Variants in CDK12 observed in about 807,000 individuals in gnomAD.
CDK12 encodes cyclin-dependent kinase 12.
CDK12 carries 17 observed loss-of-function variants against 133.8 expected under a neutral mutation model. The observed-to-expected ratio is 0.13, with a 90% confidence interval of 0.09 to 0.19. The LOEUF (loss-of-function observed/expected upper bound fraction) is 0.19. Ranked by LOEUF, CDK12 falls within the 10% of genes least tolerant of loss-of-function variation. The pLI is 1.00. For synonymous variants in CDK12, 694 were observed against 683.6 expected, an observed-to-expected ratio of 1.02 and a Z score of -0.24; for missense variants, 1,508 against 1,818.7, an observed-to-expected ratio of 0.83 and a Z score of 3.11.
chr17:39,491,876 C>T (rs1366015586), intron 3 of CDK12, among the ~76,000 whole-genome samples: 2 of 150,520 alleles, frequency 1.3e-5, no homozygotes, highest in Non-Finnish European at 3.0e-5. Context: ...CGCTTGTAAT[C>T]CCAGCACTTT....
At position 39,534,159 on chromosome 17, in the gene CDK12, A is replaced by G. The variant is rs566045916; in HGVS notation, c.*2843A>G. On this transcript the variant is annotated 3_prime_UTR_variant, in exon 14 of 14. Coordinates refer to ENST00000447079, the MANE Select transcript of CDK12 (RefSeq NM_016507.4). ...TTCTTCAACTGTCCATAGGAACGAT[A>G]AGTATTTGAAAGCAACATCAAATCT... 1 of 232,892 alleles carries G rather than the reference A, an allele frequency of 4.3e-6. No individual in the cohort carries two copies. The highest frequency in any genetic ancestry group is 5.6e-5 in the Admixed American group (1 of 17,796). 14.4% of individuals were successfully genotyped at this position (232,892 alleles called of 1,614,324 possible).
At chr17:39,545,637 T>G (rs1483325318), upstream of CDK12, among the ~76,000 whole-genome samples, 1 of 151,744 alleles carries the variant, frequency 6.6e-6, no homozygotes. Context: ...CAGCTGGGAT[T>G]ACAGGTGCCC....
At position 39,471,195 on chromosome 17, in the gene CDK12, A is replaced by G; in HGVS notation, c.1363A>G (p.Lys455Glu). Residue 455 changes from lysine to glutamate, a missense_variant, in exon 2 of 14, where the codon AAA becomes GAA. Around this residue, in one of 9 missense-constraint regions of CDK12, gnomAD observed 347 missense variants for 330.8 expected, o/e 1.05. Transcript: ENST00000447079. The part of the protein sequence containing the change: ...KKLPRSVKLE[K>E]SAPDTELVNV... ...GTTACCCAGAAGTGTAAAATTGGAA[A>G]AATCTGCCCCAGATACTGAACTGGT... 1 of 1,581,280 alleles carries G rather than the reference A, an allele frequency of 6.3e-7. No homozygotes were observed. The highest frequency in any genetic ancestry group is 8.6e-7 in the Non-Finnish European group (1 of 1,168,092).
At chr17:39,563,914 C>T (rs2056482231) in intron 3 of CDK12, among the ~76,000 whole-genome samples, 1 of 152,158 alleles carries the variant, frequency 6.6e-6, no homozygotes, top group Admixed American at 6.5e-5. Context: ...ACTTGACATA[C>T]GTTAATGTTC....
intron 6 of CDK12, among the ~76,000 whole-genome samples, chr17:39,506,140 A>G (rs2053104626): frequency 6.6e-6 from 1 of 152,052 alleles, no homozygotes; most frequent in Admixed American, 6.6e-5. Context: ...AGGACTAACC[A>G]GCAGCATTCA....
intron 11 of CDK12, among the ~76,000 whole-genome samples, chr17:39,524,067 C>A (rs944223404): frequency 1.3e-5 from 2 of 152,174 alleles, no homozygotes; most frequent in Admixed American, 1.3e-4. Context: ...ATTTGACCTA[C>A]TTGGTCTGAT....
At chr17:39,497,734 G>T (rs1309117275) in intron 5 of CDK12, among the ~76,000 whole-genome samples, 1 of 151,774 alleles carries the variant, frequency 6.6e-6, no homozygotes, top group Non-Finnish European at 1.5e-5. Context: ...CTCCTGATTA[G>T]CTGGGGCAAC....
intron 2 of CDK12, among the ~76,000 whole-genome samples, chr17:39,485,102 G>A (rs530966623): frequency 2.6e-5 from 4 of 151,070 alleles, no homozygotes; most frequent in African/African-American, 7.3e-5. Flanking sequence ...CCCAGGAGGC[G>A]GAGCTTGCAG....
rs553421553 is a variant in CDK12 at position 39,462,214 on chromosome 17, A to G, written c.143A>G (p.Lys48Arg). ...LVSKHKRHKS[K>R]HSKDMGLVTP... The stretch of plus-strand genomic sequence containing the variant: ...TCGAAGCACAAGCGGCATAAGTCCA[A>G]ACACTCCAAAGACATGGGGTTGGTG... Residue 48 changes from lysine to arginine, a missense_variant, in exon 1 of 14, where the codon AAA (lysine) becomes AGA (arginine). Lys to Arg is a conservative substitution (Grantham distance 26). Around this residue, in one of 9 missense-constraint regions of CDK12, gnomAD observed 460 missense variants for 490.8 expected, o/e 0.94. Coordinates refer to ENST00000447079, the MANE Select transcript of CDK12 (RefSeq NM_016507.4). 21 of 1,614,212 alleles carry G rather than the reference A, an allele frequency of 1.3e-5. No homozygotes were observed. The South Asian group carries it at 2.1e-4, about 16-fold the overall frequency.
chr17:39,524,298 A>T (rs1335334065), intron 11 of CDK12, among the ~76,000 whole-genome samples: 2 of 152,212 alleles, frequency 1.3e-5, no homozygotes. Flanking sequence ...TTCTGTATAC[A>T]TTAACAAGCC....
downstream of CDK12, among the ~76,000 whole-genome samples, chr17:39,565,968 G>GT (rs1325963007): frequency 6.6e-6 from 1 of 152,198 alleles, no homozygotes. Context: ...AAGGTCTACA[G>GT]TAGCCTAGGC....
At chr17:39,507,313 G>A (rs1325768674) in intron 6 of CDK12, among the ~76,000 whole-genome samples, 1 of 151,616 alleles carries the variant, frequency 6.6e-6, no homozygotes, top group Non-Finnish European at 1.5e-5. Flanking sequence ...GCGGCCGGGC[G>A]CGGTGGCTCA....
upstream of CDK12, among the ~76,000 whole-genome samples, chr17:39,544,553 C>T (rs1364925315): frequency 2.0e-5 from 3 of 151,400 alleles, no homozygotes; most frequent in Non-Finnish European, 4.4e-5. Flanking sequence ...TCTCAGCTCA[C>T]TTCAACCTGC....
intron 2 of CDK12, among the ~76,000 whole-genome samples, chr17:39,485,977 G>A (rs1209713420): frequency 4.1e-5 from 6 of 147,930 alleles, no homozygotes; most frequent in Non-Finnish European, 7.4e-5. Context: ...TTTTGAGACA[G>A]AGTCTTGCTC....
chr17:39,462,309 T>A lies in CDK12; in HGVS notation c.238T>A (p.Ser80Thr). The change falls in exon 1 of 14, where the codon TCC becomes ACC. Residue 80 changes from serine to threonine, a missense_variant. Ser to Thr is a moderately conservative substitution (Grantham distance 58). Coordinates refer to ENST00000447079, the MANE Select transcript of CDK12 (RefSeq NM_016507.4). Reference sequence around the variant, plus strand: ...GGAGTATGATGATATCAGCTCTGATTCCGACACCTTCTCCGATGACATGGC... The same window carrying A: ...GGAGTATGATGATATCAGCTCTGATACCGACACCTTCTCCGATGACATGGC... ...LVEYDDISSDSDTFSDDMAFK... is the reference protein window; with the variant it reads ...LVEYDDISSDTDTFSDDMAFK... 6.2e-7 allele frequency: 1 copy of A among 1,614,160 alleles called. No homozygotes were observed. Among genetic ancestry groups the A allele is most frequent in the African/African-American group, 1.3e-5 (1 of 75,038 alleles).
Position 39,461,998 on chromosome 17 carries a change from TGGG to T in CDK12, c.-69_-67del. 1.0e-6 allele frequency: 1 copy of T among 962,732 alleles called. No homozygotes were observed. The highest frequency in any genetic ancestry group is 1.4e-6 in the Non-Finnish European group (1 of 728,194). The allele number at this position is 962,732 out of a possible 1,614,324, so 59.6% of individuals were successfully genotyped here. On this transcript the variant is annotated 5_prime_UTR_variant, in exon 1 of 14. Transcript: ENST00000447079. ...GCTTTGGTGGGCGTGGAGTTGGGGT[TGGG>T]GGGGTGGGTGGGGGTTGCTTTTTGG... is the stretch of plus-strand genomic sequence containing the variant.
At chr17:39,565,413 CTGTTTGTTTGTTTGTT>C (rs5820296), downstream of CDK12, among the ~76,000 whole-genome samples, 3 of 144,746 alleles carry the variant, frequency 2.1e-5, no homozygotes, top group African/African-American at 7.8e-5. Context: ...CGCACCCAGC[CTGTTTGTTTGTTTGTT>C]TGTTTGTTTG....
intron 2 of CDK12, among the ~76,000 whole-genome samples, chr17:39,487,055 A>G (rs940518100): frequency 2.6e-5 from 4 of 152,168 alleles, no homozygotes; most frequent in Admixed American, 1.3e-4. Flanking sequence ...GTTTTCTGAT[A>G]ATAAGTTTTG....
Position 39,471,460 on chromosome 17 carries a change from C to G in CDK12, c.1628C>G (p.Thr543Ser), listed in dbSNP as rs767382242. 1.9e-6 allele frequency: 3 copies of G among 1,607,892 alleles called. No individual in the cohort carries two copies. The highest frequency in any genetic ancestry group is 8.5e-7 in the Non-Finnish European group (1 of 1,175,492). Residue 543 changes from threonine to serine, a missense_variant, in exon 2 of 14, where the codon ACC becomes AGC. Physicochemically the swap from Thr to Ser is moderately conservative, Grantham distance 58 (BLOSUM62 1). Around this residue, in one of 9 missense-constraint regions of CDK12, gnomAD observed 347 missense variants for 330.8 expected, o/e 1.05. Coordinates refer to ENST00000447079, the MANE Select transcript of CDK12 (RefSeq NM_016507.4). ...ASPPPPLPTT[T>S]PPPQTPPLPP... ...CCCCCACCCCCTCTACCAACTACTA[C>G]CCCTCCACCTCAGACACCCCCTTTG...
Sources: gnomAD v4.1 joint callset for allele counts (sites outside exome capture counted in the v4.1 genomes callset) on GRCh38, gnomAD v4.1.1 for gene constraint, gnomAD v4.1.1 regional missense constraint, MANE v1.5 for transcripts, NCBI Gene and HGNC (gene_info 2026-07-23, HGNC 2026-07-21) for gene names.